NAV3: variants seen among roughly 807,000 people sequenced by gnomAD.
NAV3 encodes the protein pore membrane and/or filament interacting like protein 1.
NAV3 carries 87 observed loss-of-function variants against 244.7 expected under a neutral mutation model. The ratio of observed to expected loss-of-function variants is 0.36; its 90% CI spans 0.30 to 0.42. The LOEUF (loss-of-function observed/expected upper bound fraction) is 0.42. Among genes scored for constraint, NAV3 ranks in the 20% least tolerant of loss-of-function variants. The probability of loss-of-function intolerance (pLI) is 1.00; values close to 1 mark genes in which losing one functional copy is unlikely to be tolerated. For synonymous variants in NAV3, 1,126 were observed against 1,042.2 expected (o/e 1.08, Z -1.55); for missense variants, 2,663 against 2,893.3 (o/e 0.92, Z 1.83).
chr12:77,671,945 A>AACAC (rs1873995697), intron 2 of NAV3, among the ~76,000 whole-genome samples: 1 of 152,204 alleles, frequency 6.6e-6, no homozygotes, highest in South Asian at 2.1e-4. Context: ...CAGCAAAATA[A>AACAC]ACAATCAGTA....
intron 18 of NAV3, among the ~76,000 whole-genome samples, chr12:78,133,728 G>GA: frequency 6.6e-6 from 1 of 152,098 alleles, no homozygotes; most frequent in East Asian, 1.9e-4. Context: ...AGCCCTAGTA[G>GA]AAACCATTCC....
At chr12:77,686,022 TG>T (rs750321393) in intron 2 of NAV3, among the ~76,000 whole-genome samples, 8 of 152,282 alleles carry the variant, frequency 5.3e-5, no homozygotes, top group Non-Finnish European at 1.0e-4. Context: ...TGGAATAAAA[TG>T]GATGGATTTG....
chr12:78,145,030 G>A lies in NAV3; in HGVS notation c.4684-1339G>A, dbSNP rs1276720819. 7 of 297,532 alleles carry A rather than the reference G, an allele frequency of 2.4e-5. No individual in the cohort carries two copies. In the Middle Eastern group the frequency reaches 2.5e-3, roughly 105 times the overall value. The allele number at this position is 297,532 out of a possible 1,614,324, so 18.4% of individuals were successfully genotyped here. A position where few individuals can be genotyped will look rare whatever the true frequency, so the allele number is the denominator to read the frequency against. ...TAGACATAGTTACATAGTTAATTGT[G>A]CCATATGTTTTAAGGCAATGAAACT... On this transcript the variant is annotated intron_variant, in intron 20 of 39. Transcript: ENST00000397909.
intron 34 of NAV3, among the ~76,000 whole-genome samples, chr12:78,194,283 C>T (rs1959106507): frequency 6.6e-6 from 1 of 152,052 alleles, no homozygotes; most frequent in Non-Finnish European, 1.5e-5. Flanking sequence ...CCAACAAAAC[C>T]ACCCTCCACC....
At chr12:77,865,913 C>T (rs1159295384) in intron 1 of NAV3, among the ~76,000 whole-genome samples, 6 of 137,792 alleles carry the variant, frequency 4.4e-5, no homozygotes, top group Non-Finnish European at 9.7e-5. Flanking sequence ...GGGTAATCAA[C>T]ATACTTTTAA....
At chr12:78,181,150 C>T in intron 30 of NAV3, 105 bp downstream of exon 30, 1 of 997,476 alleles carries the variant, frequency 1.0e-6, no homozygotes, top group Non-Finnish European at 1.5e-6. Flanking sequence ...ATGTTACACT[C>T]TAATTCTCAG....
Position 78,137,374 on chromosome 12 carries a change from T to C in NAV3, c.4630+9T>C. On this transcript the variant is annotated intron_variant, in intron 19 of 39. Coordinates refer to ENST00000397909, the MANE Select transcript of NAV3 (RefSeq NM_001024383.2). Reference sequence around the variant, plus strand: ...AGACAGCATGGAAGAAGGTAAGCGTTGAGGGGGATTAAAGATGAAGTCACT... The same window carrying C: ...AGACAGCATGGAAGAAGGTAAGCGTCGAGGGGGATTAAAGATGAAGTCACT... 6.3e-7 allele frequency: 1 copy of C among 1,598,816 alleles called. No homozygotes were observed. Among genetic ancestry groups the C allele is most frequent in the South Asian group, 1.1e-5 (1 of 89,554 alleles).
At position 77,903,972 on chromosome 12, in the gene NAV3, G is replaced by A. The variant is rs529210999; in HGVS notation, c.244-36347G>A. On this transcript the variant is annotated intron_variant, in intron 1 of 39. Coordinates refer to ENST00000397909, the MANE Select transcript of NAV3 (RefSeq NM_001024383.2). ...ACCATCTCACACCACCTAGAATGGC[G>A]ATCATTAAAAAGTCAGGAAACAACA... Among the ~76,000 whole-genome samples, 52 of 152,142 alleles carry A rather than the reference G, an allele frequency of 3.4e-4. No homozygotes were observed. In the East Asian group the frequency reaches 8.1e-3, roughly 24 times the overall value.
chr12:78,135,070 A>T (rs575148871), intron 18 of NAV3, among the ~76,000 whole-genome samples: 2 of 152,330 alleles, frequency 1.3e-5, no homozygotes, highest in East Asian at 3.9e-4. Flanking sequence ...TTATTTGCCC[A>T]AAGCAGATGG....
intron 2 of NAV3, among the ~76,000 whole-genome samples, chr12:77,574,143 C>T (rs926485178): frequency 5.3e-5 from 8 of 152,160 alleles, no homozygotes; most frequent in East Asian, 3.9e-4. Context: ...GCCTTCTCAT[C>T]GGTAAAGGAA....
intron 18 of NAV3, 43 bp downstream of exon 18, chr12:78,128,909 C>A (rs2138858145): frequency 6.4e-7 from 1 of 1,564,668 alleles, no homozygotes; most frequent in South Asian, 1.2e-5. Context: ...TTTCTTTCAC[C>A]ACCCACTCTC....
intron 8 of NAV3, among the ~76,000 whole-genome samples, chr12:78,008,640 G>A (rs1874673568): frequency 8.0e-6 from 1 of 125,552 alleles, no homozygotes; most frequent in South Asian, 2.6e-4. Flanking sequence ...AAATAAAGCA[G>A]TTTATACTGA....
chr12:78,115,704 T>C (rs1408195500), intron 12 of NAV3, among the ~76,000 whole-genome samples: 2 of 152,178 alleles, frequency 1.3e-5, no homozygotes, highest in Non-Finnish European at 2.9e-5. Flanking sequence ...TTCTGATATG[T>C]TTTGATACAT....
intron 5 of NAV3, among the ~76,000 whole-genome samples, chr12:77,985,793 C>T (rs1157853596): frequency 6.6e-6 from 1 of 152,070 alleles, no homozygotes; most frequent in African/African-American, 2.4e-5. Context: ...ATTTCCTGTG[C>T]CTCTGTCTTC....
At chr12:77,985,256 G>A (rs1461022192) in intron 5 of NAV3, among the ~76,000 whole-genome samples, 2 of 152,068 alleles carry the variant, frequency 1.3e-5, no homozygotes, top group African/African-American at 2.4e-5. Flanking sequence ...CATCGGAGGT[G>A]GTCAATAAAA....
chr12:77,613,112 T>C (rs1219355531), intron 2 of NAV3, among the ~76,000 whole-genome samples: 1 of 152,176 alleles, frequency 6.6e-6, no homozygotes. Context: ...ATTAGCAGCA[T>C]GAGAACGAAA....
intron 2 of NAV3, among the ~76,000 whole-genome samples, chr12:77,597,348 G>T (rs1870216840): frequency 6.6e-6 from 1 of 152,066 alleles, no homozygotes. Context: ...TTCTAGGCCT[G>T]TCTCTTCCAG....
intron 1 of NAV3, among the ~76,000 whole-genome samples, chr12:77,897,437 C>T (rs1471075609): frequency 1.3e-5 from 2 of 152,204 alleles, no homozygotes; most frequent in Admixed American, 6.5e-5. Context: ...ACCCCATTCT[C>T]TTTTGCCCTT....
intron 12 of NAV3, among the ~76,000 whole-genome samples, chr12:78,097,917 T>A (rs1954339650): frequency 6.6e-6 from 1 of 152,124 alleles, no homozygotes; most frequent in African/African-American, 2.4e-5. Flanking sequence ...GCCAAAGATA[T>A]TTCAAGGGAG....
Sources: allele counts gnomAD v4.1 joint callset (sites outside exome capture counted in the v4.1 genomes callset), GRCh38; gene constraint gnomAD v4.1.1; transcripts MANE v1.5; gene names NCBI Gene and HGNC (gene_info 2026-07-23, HGNC 2026-07-21).